Variants in ASTN2 observed in about 807,000 individuals in gnomAD.
ASTN2 encodes the protein astrotactin 2, also known as astrotactin-2.
ASTN2 carries 54 observed loss-of-function variants against 139.8 expected under a neutral mutation model. The ratio of observed to expected loss-of-function variants is 0.39; its 90% CI spans 0.31 to 0.48. The LOEUF (loss-of-function observed/expected upper bound fraction) is 0.48, where lower values mean the gene tolerates loss of function less well. ASTN2 is among the 20% of genes least tolerant of loss of function. The pLI is 0.95. For missense variants in ASTN2, 1,565 were observed against 1,725.1 expected (o/e 0.91, Z 1.64); for synonymous variants, 756 against 719.5 (o/e 1.05, Z -0.81).
At chr9:116,446,268 G>T (rs990654856) in intron 20 of ASTN2, among the ~76,000 whole-genome samples, 2 of 76,912 alleles carry the variant, frequency 2.6e-5, no homozygotes, top group South Asian at 1.0e-3. Context: ...GAGAGAGAGA[G>T]AGATAGAGAG....
intron 1 of ASTN2, among the ~76,000 whole-genome samples, chr9:117,296,277 CAAAAAAAAAAAAAA>C (rs5900277): frequency 1.5e-4 from 11 of 71,008 alleles, no homozygotes; most frequent in African/African-American, 2.4e-4. Context: ...GACTGCATCT[CAAAAAAAAAAAAAA>C]AAAAAAAAAA....
chr9:117,194,379 G>T (rs971177550), intron 3 of ASTN2, among the ~76,000 whole-genome samples: 1 of 152,112 alleles, frequency 6.6e-6, no homozygotes, highest in Admixed American at 6.6e-5. Flanking sequence ...TAAACTTAAG[G>T]TTATGACCCA....
intron 10 of ASTN2, among the ~76,000 whole-genome samples, chr9:116,954,883 C>T (rs978716482): frequency 6.6e-6 from 1 of 152,224 alleles, no homozygotes; most frequent in Non-Finnish European, 1.5e-5. Flanking sequence ...GGCCCCAACC[C>T]AGACCTACTG....
At chr9:116,682,604 T>A (rs952627715) in intron 16 of ASTN2, among the ~76,000 whole-genome samples, 1 of 152,160 alleles carries the variant, frequency 6.6e-6, no homozygotes, top group Non-Finnish European at 1.5e-5. Flanking sequence ...CTATTCACAA[T>A]AGCAAAGACT....
At chr9:116,998,592 T>C (rs1848529620) in intron 7 of ASTN2, among the ~76,000 whole-genome samples, 1 of 151,570 alleles carries the variant, frequency 6.6e-6, no homozygotes, top group African/African-American at 2.4e-5. Context: ...CATACATCCA[T>C]GCATCCATGC....
At chr9:117,391,171 G>A (rs1830530731) in intron 1 of ASTN2, among the ~76,000 whole-genome samples, 1 of 152,208 alleles carries the variant, frequency 6.6e-6, no homozygotes, top group Non-Finnish European at 1.5e-5. Context: ...AGGGCCAACT[G>A]TATTCTAAGG....
intron 20 of ASTN2, among the ~76,000 whole-genome samples, chr9:116,472,639 C>T (rs1310314932): frequency 6.6e-6 from 1 of 151,858 alleles, no homozygotes; most frequent in Non-Finnish European, 1.5e-5. Flanking sequence ...CGTGGTAGCT[C>T]ATACCTGTAA....
chr9:116,506,087 C>T (rs954164741), intron 19 of ASTN2, among the ~76,000 whole-genome samples: 3 of 152,156 alleles, frequency 2.0e-5, no homozygotes, highest in Non-Finnish European at 2.9e-5. Context: ...CCCTCTGTAC[C>T]GGGAACATAA....
At chr9:116,767,357 G>A (rs1167913721) in intron 13 of ASTN2, among the ~76,000 whole-genome samples, 1 of 152,196 alleles carries the variant, frequency 6.6e-6, no homozygotes, top group African/African-American at 2.4e-5. Flanking sequence ...TGGGAGAGAC[G>A]AGGGTGATTG....
chr9:116,470,454 G>A (rs749137119), intron 20 of ASTN2, among the ~76,000 whole-genome samples: 6 of 152,094 alleles, frequency 3.9e-5, no homozygotes, highest in Non-Finnish European at 8.8e-5. Flanking sequence ...CTACTGACTT[G>A]TGGCATGGCT....
intron 3 of ASTN2, among the ~76,000 whole-genome samples, chr9:117,168,563 A>G (rs1159281270): frequency 1.3e-5 from 2 of 152,090 alleles, no homozygotes; most frequent in Non-Finnish European, 2.9e-5. Flanking sequence ...ATTTTTTTAG[A>G]AAACTGCTTA....
intron 19 of ASTN2, among the ~76,000 whole-genome samples, chr9:116,533,158 G>C (rs1014618458): frequency 6.6e-6 from 1 of 152,086 alleles, no homozygotes; most frequent in South Asian, 2.1e-4. Flanking sequence ...TTGGCTCTCT[G>C]TTTGTCTGTT....
chr9:117,410,167 C>T (rs892159330), intron 1 of ASTN2, among the ~76,000 whole-genome samples: 1 of 152,222 alleles, frequency 6.6e-6, no homozygotes, highest in African/African-American at 2.4e-5. Flanking sequence ...CTTTTTCCTG[C>T]TTTTGCTGAA....
intron 6 of ASTN2, among the ~76,000 whole-genome samples, chr9:117,036,263 A>C (rs1838381990): frequency 6.6e-6 from 1 of 152,214 alleles, no homozygotes; most frequent in South Asian, 2.1e-4. Context: ...AGATTCCATT[A>C]TGCCTGGAGA....
chr9:116,687,911 A>G lies in ASTN2; in HGVS notation c.2807-36118T>C, dbSNP rs868568334. 1.4e-3 allele frequency among the ~76,000 whole-genome samples: 219 copies of G among 151,492 alleles called. 1 individual carries two copies. Among genetic ancestry groups the G allele is most frequent in the African/African-American group, 5.0e-3 (205 of 41,262 alleles). ...GTTTTCGGAGTGGGCTGAGGGTGAG[A>G]TTGAGGGGGTGGGGTGAGTTCTTGA... On this transcript the variant is annotated intron_variant, in intron 16 of 22. Transcript: ENST00000313400.
At chr9:117,060,465 G>GA in intron 5 of ASTN2, among the ~76,000 whole-genome samples, 1 of 47,354 alleles carries the variant, frequency 2.1e-5, no homozygotes, top group East Asian at 1.2e-3. Context: ...AGAAAGGAAG[G>GA]AAGGAAGGAA....
chr9:116,670,134 A>T (rs1859105704), intron 16 of ASTN2, among the ~76,000 whole-genome samples: 2 of 152,154 alleles, frequency 1.3e-5, no homozygotes, highest in Non-Finnish European at 2.9e-5. Context: ...CCACCCATCA[A>T]TCAAAAACAT....
intron 1 of ASTN2, among the ~76,000 whole-genome samples, chr9:117,295,294 C>T (rs1038307687): frequency 6.6e-6 from 1 of 151,742 alleles, no homozygotes; most frequent in African/African-American, 2.4e-5. Flanking sequence ...TGCACTCCAG[C>T]CTGGGCAACA....
At chr9:117,403,358 T>A (rs1379263616) in intron 1 of ASTN2, among the ~76,000 whole-genome samples, 5 of 152,202 alleles carry the variant, frequency 3.3e-5, no homozygotes, top group Non-Finnish European at 5.9e-5. Flanking sequence ...CAGCCTCCCA[T>A]GGGGACCCTC....
Sources: gnomAD v4.1 joint callset for allele counts (sites outside exome capture counted in the v4.1 genomes callset) on GRCh38, gnomAD v4.1.1 for gene constraint, MANE v1.5 for transcripts, NCBI Gene and HGNC (gene_info 2026-07-23, HGNC 2026-07-21) for gene names.